CMTM8: variants seen among roughly 807,000 people sequenced by gnomAD.
CMTM8 encodes CKLF like MARVEL transmembrane domain containing 8.
In CMTM8, 12 loss-of-function variants were observed where a neutral mutation model predicts 18.6. The ratio of observed to expected loss-of-function variants is 0.65; its 90% confidence interval spans 0.41 to 1.05. The LOEUF is 1.05. Among genes scored for constraint, CMTM8 ranks in the 50% least tolerant of loss-of-function variants. CMTM8 has a pLI of 0.00. For synonymous variants in CMTM8, 87 were observed against 90.6 expected (o/e 0.96, Z 0.23); for missense variants, 217 against 227.2 (o/e 0.95, Z 0.29).
intron 1 of CMTM8, among the ~76,000 whole-genome samples, chr3:32,261,232 A>G (rs1165240788): frequency 6.6e-6 from 1 of 152,166 alleles, no homozygotes; most frequent in Non-Finnish European, 1.5e-5. Flanking sequence ...AATCCAAGTT[A>G]ATAATACATA....
chr3:32,339,895 A>G (rs962877319), intron 1 of CMTM8, among the ~76,000 whole-genome samples: 25 of 152,140 alleles, frequency 1.6e-4, no homozygotes, highest in Non-Finnish European at 3.1e-4. Context: ...CCCGGGAGGC[A>G]GAGCTTGCAG....
intron 1 of CMTM8, among the ~76,000 whole-genome samples, chr3:32,291,470 G>C (rs1702778875): frequency 6.6e-6 from 1 of 152,144 alleles, no homozygotes; most frequent in African/African-American, 2.4e-5. Context: ...GTCAATTGTT[G>C]ACAAGTCATT....
chr3:32,287,336 C>T (rs548654337), intron 1 of CMTM8, among the ~76,000 whole-genome samples: 3 of 152,268 alleles, frequency 2.0e-5, no homozygotes, highest in African/African-American at 7.2e-5. Flanking sequence ...TAAAATGTTA[C>T]AGAGTCATAA....
chr3:32,339,685 C>T (rs1239189314), intron 1 of CMTM8, among the ~76,000 whole-genome samples: 5 of 152,068 alleles, frequency 3.3e-5, no homozygotes, highest in Non-Finnish European at 7.4e-5. Flanking sequence ...AGGGGTAGGC[C>T]GGGCGCGGTG....
intron 2 of CMTM8, among the ~76,000 whole-genome samples, chr3:32,366,099 C>A (rs555713333): frequency 6.6e-6 from 1 of 152,220 alleles, no homozygotes; most frequent in African/African-American, 2.4e-5. Flanking sequence ...GAGTGTTAAA[C>A]AAGACTAGGG....
At chr3:32,278,905 A>G (rs1702560855) in intron 1 of CMTM8, among the ~76,000 whole-genome samples, 3 of 152,182 alleles carry the variant, frequency 2.0e-5, no homozygotes, top group Admixed American at 2.0e-4. Flanking sequence ...ACAGCTGTAG[A>G]TGATGGAAAC....
intron 2 of CMTM8, among the ~76,000 whole-genome samples, chr3:32,361,797 A>T (rs1696937074): frequency 6.6e-6 from 1 of 152,198 alleles, no homozygotes. Context: ...CTGGGCTACA[A>T]CTGTTATGAT....
chr3:32,324,878 A>G (rs1363287453), intron 1 of CMTM8, among the ~76,000 whole-genome samples: 2 of 152,258 alleles, frequency 1.3e-5, no homozygotes, highest in Non-Finnish European at 1.5e-5. Context: ...AAAAGAGGCA[A>G]TCGTGGAAAA....
intron 1 of CMTM8, among the ~76,000 whole-genome samples, chr3:32,307,142 C>T (rs965514568): frequency 4.0e-5 from 6 of 150,666 alleles, no homozygotes; most frequent in South Asian, 4.2e-4. Context: ...GAGTTTGAGA[C>T]CAGCCTGGCC....
chr3:32,362,170 A>G lies in CMTM8; in HGVS notation c.321+4624A>G, dbSNP rs140163235. 3.1e-3 allele frequency among the ~76,000 whole-genome samples: 462 copies of G among 149,958 alleles called. 3 individuals carry two copies. The highest frequency in any genetic ancestry group is 0.011 in the African/African-American group (449 of 40,860). Reference sequence around the variant, plus strand: ...ATTCTCCTGCTTCAGCCTCCTGAGTATCTGGGATTACAGGCGCTCACCACC... The same window carrying G: ...ATTCTCCTGCTTCAGCCTCCTGAGTGTCTGGGATTACAGGCGCTCACCACC... On this transcript the variant is annotated intron_variant, in intron 2 of 3. Transcript: ENST00000307526.
chr3:32,259,348 G>C (rs1357645218), intron 1 of CMTM8: 2 of 741,456 alleles, frequency 2.7e-6, no homozygotes, highest in Non-Finnish European at 5.0e-6. Flanking sequence ...AAGACCTGAG[G>C]GCTCAGGTCT....
intron 1 of CMTM8, among the ~76,000 whole-genome samples, chr3:32,272,249 T>G (rs1465538321): frequency 6.6e-6 from 1 of 152,218 alleles, no homozygotes; most frequent in African/African-American, 2.4e-5. Flanking sequence ...AAAAATTTTT[T>G]GTCTTTGTAT....
At chr3:32,252,911 ATTC>A (rs1320167133) in intron 1 of CMTM8, among the ~76,000 whole-genome samples, 9 of 152,156 alleles carry the variant, frequency 5.9e-5, no homozygotes, top group African/African-American at 2.2e-4. Context: ...AGGGTCTGTT[ATTC>A]TTTATTGAGT....
At chr3:32,362,660 G>A (rs765454707) in intron 2 of CMTM8, among the ~76,000 whole-genome samples, 3 of 152,202 alleles carry the variant, frequency 2.0e-5, no homozygotes, top group African/African-American at 7.2e-5. Context: ...CAGCCCAGAT[G>A]TTGGGTCTTG....
At chr3:32,288,672 T>G (rs1419585944) in intron 1 of CMTM8, among the ~76,000 whole-genome samples, 4 of 152,146 alleles carry the variant, frequency 2.6e-5, no homozygotes, top group African/African-American at 4.8e-5. Flanking sequence ...AGCTAATTTT[T>G]TGTATTTTTA....
intron 1 of CMTM8, among the ~76,000 whole-genome samples, chr3:32,260,630 C>G (rs913564919): frequency 6.7e-6 from 1 of 150,266 alleles, no homozygotes; most frequent in African/African-American, 2.4e-5. Context: ...ATGTTAACAT[C>G]TGATAGGATA....
chr3:32,313,220 A>G (rs1182100828), intron 1 of CMTM8, among the ~76,000 whole-genome samples: 1 of 152,038 alleles, frequency 6.6e-6, no homozygotes, highest in African/African-American at 2.4e-5. Context: ...GAAAAACCAG[A>G]CTGCTGGTCC....
chr3:32,318,699 T>C (rs1695978177), intron 1 of CMTM8, among the ~76,000 whole-genome samples: 1 of 151,458 alleles, frequency 6.6e-6, no homozygotes, highest in African/African-American at 2.4e-5. Flanking sequence ...CCCGAGTACC[T>C]GGGACTACAG....
rs180699325 is a variant in CMTM8 at position 32,323,236 on chromosome 3, G to A, written c.148-34137G>A. ...CTGGACAACTATTGAGGGCCTGTTC[G>A]GGTAGCTTTCTACTAGCCACGCATC... On this transcript the variant is annotated intron_variant, in intron 1 of 3. Transcript: ENST00000307526. Among the ~76,000 whole-genome samples, 153 of 152,224 alleles carry A rather than the reference G, an allele frequency of 1.0e-3. 2 individuals carry two copies. The highest frequency in any genetic ancestry group is 6.8e-3 in the Middle Eastern group (2 of 294).
Sources: gnomAD v4.1 joint callset for allele counts (sites outside exome capture counted in the v4.1 genomes callset) on GRCh38, gnomAD v4.1.1 for gene constraint, MANE v1.5 for transcripts, NCBI Gene and HGNC (gene_info 2026-07-23, HGNC 2026-07-21) for gene names.